Variants in SYN3 observed in about 807,000 individuals in gnomAD.
The protein encoded by SYN3 is synapsin III, also known as synapsin-3.
SYN3 carries 35 observed loss-of-function variants against 65.8 expected under a neutral mutation model. That is an observed-to-expected ratio of 0.53 (90% CI 0.41 to 0.70). The LOEUF (loss-of-function observed/expected upper bound fraction) is 0.70, where lower values mean the gene tolerates loss of function less well. SYN3 is among the 30% of genes least tolerant of loss of function. The pLI is 0.00. For synonymous variants in SYN3, 270 were observed against 292.9 expected (o/e 0.92, Z 0.80); for missense variants, 680 against 749.0 (o/e 0.91, Z 1.08).
intron 6 of SYN3, among the ~76,000 whole-genome samples, chr22:32,845,537 G>C (rs1440502169): frequency 2.0e-5 from 3 of 152,090 alleles, no homozygotes; most frequent in Admixed American, 2.0e-4. Flanking sequence ...AGCCATCAGT[G>C]GAAGCGGGAA....
chr22:32,590,010 T>C (rs114680772), intron 7 of SYN3, among the ~76,000 whole-genome samples: 474 of 152,240 alleles, frequency 3.1e-3, no homozygotes, highest in African/African-American at 0.011. Flanking sequence ...TATTTTGAAA[T>C]ATAGCACAAC....
intron 6 of SYN3, among the ~76,000 whole-genome samples, chr22:32,706,837 TC>T (rs2060887553): frequency 6.6e-6 from 1 of 152,192 alleles, no homozygotes; most frequent in Non-Finnish European, 1.5e-5. Context: ...CTGCTCCTTC[TC>T]CTTCTCTCTG....
Position 32,666,123 on chromosome 22 carries a change from A to T in SYN3, c.712-69387T>A, listed in dbSNP as rs938526477. Among the ~76,000 whole-genome samples the T allele has an allele frequency of 7.1e-4, 108 of 152,276 alleles. 1 individual carries two copies. The highest frequency in any genetic ancestry group is 3.4e-3 in the Middle Eastern group (1 of 294). On this transcript the variant is annotated intron_variant, in intron 6 of 13. Transcript: ENST00000358763. The stretch of plus-strand genomic sequence containing the variant: ...CCTAAAGCCTCTACCTTCAAAATAC[A>T]TTCAGAATATGGTCATTTTCCTCCA...
At chr22:32,863,751 C>T (rs994228880) in intron 6 of SYN3, among the ~76,000 whole-genome samples, 3 of 152,188 alleles carry the variant, frequency 2.0e-5, no homozygotes, top group Non-Finnish European at 4.4e-5. Context: ...CAATCATCCA[C>T]GGTTTTTACC....
intron 7 of SYN3, among the ~76,000 whole-genome samples, chr22:32,554,812 CA>C (rs200396044): frequency 6.6e-6 from 1 of 151,816 alleles, no homozygotes; most frequent in African/African-American, 2.4e-5. Context: ...GCCTTGCTGA[CA>C]AAAAAAATGC....
intron 13 of SYN3, 108 bp from the exon 14 acceptor site, chr22:32,513,932 G>A (rs1480382229): frequency 2.7e-5 from 37 of 1,393,198 alleles, no homozygotes; most frequent in Admixed American, 8.6e-5. Context: ...ATCATCATAA[G>A]GTTATGAAGA....
At chr22:32,558,781 G>A (rs920543164) in intron 7 of SYN3, among the ~76,000 whole-genome samples, 17 of 152,216 alleles carry the variant, frequency 1.1e-4, no homozygotes, top group Admixed American at 6.5e-4. Flanking sequence ...CAACCCAAGG[G>A]CCCCTTAGCC....
At chr22:32,675,494 C>A (rs546745363) in intron 6 of SYN3, among the ~76,000 whole-genome samples, 1 of 152,128 alleles carries the variant, frequency 6.6e-6, no homozygotes, top group African/African-American at 2.4e-5. Flanking sequence ...ACTGGGAGAA[C>A]AGCTGGCATC....
At chr22:32,750,741 A>T (rs1408377585) in intron 6 of SYN3, among the ~76,000 whole-genome samples, 1 of 152,090 alleles carries the variant, frequency 6.6e-6, no homozygotes, top group African/African-American at 2.4e-5. Context: ...GGACCTTGGG[A>T]TTACAGGGTT....
At chr22:32,525,560 A>G (rs1463720750) in intron 12 of SYN3, among the ~76,000 whole-genome samples, 1 of 152,004 alleles carries the variant, frequency 6.6e-6, no homozygotes, top group Non-Finnish European at 1.5e-5. Flanking sequence ...TATACAAAAA[A>G]TTAGCCGGGA....
intron 6 of SYN3, among the ~76,000 whole-genome samples, chr22:32,605,123 C>A (rs1186924763): frequency 1.3e-5 from 2 of 151,870 alleles, no homozygotes; most frequent in Admixed American, 1.3e-4. Flanking sequence ...ACCACTGCGT[C>A]TCTAGACTCT....
intron 6 of SYN3, among the ~76,000 whole-genome samples, chr22:32,627,486 C>A (rs1252786726): frequency 6.6e-6 from 1 of 152,122 alleles, no homozygotes; most frequent in African/African-American, 2.4e-5. Flanking sequence ...TTCTCTGGCA[C>A]CCAGGGATGC....
chr22:32,538,821 A>G (rs918867632), intron 8 of SYN3, among the ~76,000 whole-genome samples: 1 of 152,168 alleles, frequency 6.6e-6, no homozygotes, highest in African/African-American at 2.4e-5. Flanking sequence ...AATGCTCAGT[A>G]ATGCTCATCT....
intron 6 of SYN3, among the ~76,000 whole-genome samples, chr22:32,788,041 A>G (rs1461047627): frequency 2.0e-5 from 3 of 152,206 alleles, no homozygotes. Flanking sequence ...CTAGAAGGCC[A>G]AGGCATTTAG....
At chr22:32,949,302 C>T (rs904551336) in intron 3 of SYN3, among the ~76,000 whole-genome samples, 2 of 151,424 alleles carry the variant, frequency 1.3e-5, no homozygotes, top group South Asian at 2.1e-4. Flanking sequence ...CAGTTACCAG[C>T]GGGGGGCGGG....
intron 7 of SYN3, among the ~76,000 whole-genome samples, chr22:32,550,871 T>C (rs546394394): frequency 1.8e-4 from 28 of 152,132 alleles, no homozygotes; most frequent in Non-Finnish European, 3.7e-4. Flanking sequence ...AAAGGAAAGC[T>C]ACCATGTCAA....
intron 6 of SYN3, among the ~76,000 whole-genome samples, chr22:32,863,887 A>G (rs960185729): frequency 6.6e-6 from 1 of 152,196 alleles, no homozygotes; most frequent in Non-Finnish European, 1.5e-5. Context: ...AAGGATGCAT[A>G]CAGTAAGAAA....
At position 32,637,321 on chromosome 22, in the gene SYN3, G is replaced by A. The variant is rs115951742; in HGVS notation, c.712-40585C>T. ...TTAACTTCAAAACGAGGATGATGAC[G>A]GTCCCACCATCATAGGGATGTTGTG... On this transcript the variant is annotated intron_variant, in intron 6 of 13. Transcript: ENST00000358763. Among the ~76,000 whole-genome samples, 589 of 152,246 alleles carry A rather than the reference G, an allele frequency of 3.9e-3. 4 individuals are homozygous for A. Among genetic ancestry groups the A allele is most frequent in the South Asian group, 0.016 (79 of 4,822 alleles).
At chr22:32,529,118 A>C (rs2058029559) in intron 10 of SYN3, 110 bp from the exon 11 acceptor site, 1 of 1,358,250 alleles carries the variant, frequency 7.4e-7, no homozygotes, top group Non-Finnish European at 1.0e-6. Context: ...TGACCACCAG[A>C]TGGCGATGTC....
Sources: gnomAD v4.1 joint callset for allele counts (sites outside exome capture counted in the v4.1 genomes callset) on GRCh38, gnomAD v4.1.1 for gene constraint, MANE v1.5 for transcripts, NCBI Gene and HGNC (gene_info 2026-07-23, HGNC 2026-07-21) for gene names.